ZBTB38: variants seen among roughly 807,000 people sequenced by gnomAD.
The protein encoded by ZBTB38 is zinc finger and BTB domain containing 38.
In ZBTB38, 20 loss-of-function variants were observed where a neutral mutation model predicts 76.8. The ratio of observed to expected loss-of-function variants is 0.26; its 90% CI spans 0.18 to 0.38. The LOEUF (loss-of-function observed/expected upper bound fraction) is 0.38, where lower values mean the gene tolerates loss of function less well. Among genes scored for constraint, ZBTB38 ranks in the 10% least tolerant of loss-of-function variants. The probability of loss-of-function intolerance (pLI) is 1.00; values close to 1 mark genes in which losing one functional copy is unlikely to be tolerated. For synonymous variants in ZBTB38, 504 were observed against 544.2 expected, an observed-to-expected ratio of 0.93 and a Z score of 1.03; for missense variants, 1,082 against 1,482.3, an observed-to-expected ratio of 0.73 and a Z score of 4.43.
At chr3:141,369,020 T>C (rs1234874000) in intron 1 of ZBTB38, among the ~76,000 whole-genome samples, 28 of 145,416 alleles carry the variant, frequency 1.9e-4, no homozygotes, top group Admixed American at 1.4e-3. Context: ...AAAACAATAC[T>C]AAGACGGAAA....
intron 5 of ZBTB38, among the ~76,000 whole-genome samples, chr3:141,435,486 C>T (rs771082129): frequency 1.3e-5 from 2 of 151,976 alleles, no homozygotes; most frequent in African/African-American, 2.4e-5. Flanking sequence ...AGGCCGGGCA[C>T]GGTGGCTCAC....
At chr3:141,365,085 C>T (rs1006605929), upstream of ZBTB38, among the ~76,000 whole-genome samples, 4 of 151,996 alleles carry the variant, frequency 2.6e-5, no homozygotes, top group South Asian at 2.1e-4. Context: ...AAAACTTGCA[C>T]ATGAATGTTC....
intron 1 of ZBTB38, among the ~76,000 whole-genome samples, chr3:141,326,124 CAAT>C (rs1160004916): frequency 1.3e-5 from 2 of 151,974 alleles, no homozygotes; most frequent in Non-Finnish European, 2.9e-5. Context: ...AAAGTAATAA[CAAT>C]AATAATGATA....
At chr3:141,325,070 G>A (rs957034908) in intron 1 of ZBTB38, among the ~76,000 whole-genome samples, 6 of 152,136 alleles carry the variant, frequency 3.9e-5, no homozygotes, top group Non-Finnish European at 7.4e-5. Context: ...ACTTTATTTT[G>A]GTGTACAAAC....
At chr3:141,354,158 T>C (rs1229485373) in intron 1 of ZBTB38, among the ~76,000 whole-genome samples, 1 of 152,118 alleles carries the variant, frequency 6.6e-6, no homozygotes, top group Non-Finnish European at 1.5e-5. Flanking sequence ...AAAGTTAACT[T>C]TTAAAAAATA....
intron 1 of ZBTB38, among the ~76,000 whole-genome samples, chr3:141,339,823 G>T (rs539875666): frequency 5.9e-5 from 9 of 152,308 alleles, no homozygotes; most frequent in African/African-American, 2.2e-4. Context: ...ATCAGCAAAT[G>T]AATTCATCAA....
intron 1 of ZBTB38, among the ~76,000 whole-genome samples, chr3:141,329,640 A>G (rs551387417): frequency 2.6e-5 from 4 of 152,228 alleles, no homozygotes; most frequent in Admixed American, 6.5e-5. Flanking sequence ...GGTTAGGGAC[A>G]GGGGAGGAGA....
intron 5 of ZBTB38, among the ~76,000 whole-genome samples, chr3:141,409,601 T>C (rs1434817521): frequency 6.6e-6 from 1 of 152,228 alleles, no homozygotes; most frequent in Non-Finnish European, 1.5e-5. Context: ...ATCAACTACG[T>C]GCCAGGTAGG....
At chr3:141,367,970 G>A (rs796091222), upstream of ZBTB38, among the ~76,000 whole-genome samples, 8 of 152,298 alleles carry the variant, frequency 5.3e-5, no homozygotes, top group African/African-American at 1.9e-4. Flanking sequence ...GGCACCCAGG[G>A]TAGGGAGCGA....
chr3:141,395,870 G>A (rs1226486575), intron 4 of ZBTB38, among the ~76,000 whole-genome samples: 2 of 152,178 alleles, frequency 1.3e-5, no homozygotes, highest in African/African-American at 4.8e-5. Flanking sequence ...AGTCTATTAA[G>A]TGTGTAGTAC....
At chr3:141,435,846 G>A (rs759765306) in intron 5 of ZBTB38, among the ~76,000 whole-genome samples, 7 of 151,756 alleles carry the variant, frequency 4.6e-5, no homozygotes, top group South Asian at 4.2e-4. Flanking sequence ...ATTAAAGTCC[G>A]ATGGCCAGTT....
Position 141,413,344 on chromosome 3 carries a change from C to T in ZBTB38, c.-1+9313C>T, listed in dbSNP as rs1957309302. Among the ~76,000 whole-genome samples the T allele has an allele frequency of 6.6e-6, 1 of 152,158 alleles. No homozygotes were observed. Among genetic ancestry groups the T allele is most frequent in the African/African-American group, 2.4e-5 (1 of 41,440 alleles). ...CCAGACTGAGGAATCAGCTGCACATCCCCCTGATGTCTCTAAAGCTGAAAT... is the reference window on the plus strand; with the variant it reads ...CCAGACTGAGGAATCAGCTGCACATTCCCCTGATGTCTCTAAAGCTGAAAT... On this transcript the variant is annotated intron_variant, in intron 5 of 5. Coordinates refer to ENST00000321464, the MANE Select transcript of ZBTB38 (RefSeq NM_001376113.1). The surrounding 1 kb of genome is among the most constrained non-coding windows in gnomAD (Gnocchi z 4.1).
At chr3:141,390,359 C>T (rs1484205675) in intron 4 of ZBTB38, among the ~76,000 whole-genome samples, 2 of 152,324 alleles carry the variant, frequency 1.3e-5, no homozygotes, top group East Asian at 1.9e-4. Flanking sequence ...ACTGTGCAAA[C>T]AATTGCACTG....
At chr3:141,363,308 A>G (rs921329734) in intron 1 of ZBTB38, among the ~76,000 whole-genome samples, 2 of 152,260 alleles carry the variant, frequency 1.3e-5, no homozygotes, top group Non-Finnish European at 2.9e-5. Flanking sequence ...TATTGCTAAT[A>G]TGGGATTACT....
At position 141,434,058 on chromosome 3, in the gene ZBTB38, G is replaced by A. The variant is rs78149277; in HGVS notation, c.1-8331G>A. 4.9e-3 allele frequency: 1,436 copies of A among 295,088 alleles called. 17 individuals carry two copies. The highest frequency in any genetic ancestry group is 0.031 in the African/African-American group (1,359 of 44,116). The allele number at this position is 295,088 out of a possible 1,614,324, so 18.3% of individuals were successfully genotyped here. A position where few individuals can be genotyped will look rare whatever the true frequency, so the allele number is the denominator to read the frequency against. On this transcript the variant is annotated intron_variant, in intron 5 of 5. Transcript: ENST00000321464. The stretch of plus-strand genomic sequence containing the variant: ...CAACAACGGATTGTCATGCCTACAG[G>A]TGCAGGGAGTACAAAGATGAATCAG...
chr3:141,431,358 G>T (rs998526089), intron 5 of ZBTB38, among the ~76,000 whole-genome samples: 10 of 128,422 alleles, frequency 7.8e-5, no homozygotes, highest in Non-Finnish European at 1.4e-4. Flanking sequence ...ATATATATTT[G>T]GGGGGGACTC....
At chr3:141,326,103 A>G (rs963474596) in intron 1 of ZBTB38, among the ~76,000 whole-genome samples, 1 of 152,244 alleles carries the variant, frequency 6.6e-6, no homozygotes, top group African/African-American at 2.4e-5. Flanking sequence ...TTTGGAAAAC[A>G]TGTCAATACC....
chr3:141,347,655 G>A (rs980938168), intron 1 of ZBTB38, among the ~76,000 whole-genome samples: 1 of 152,242 alleles, frequency 6.6e-6, no homozygotes, highest in African/African-American at 2.4e-5. Context: ...CTGGAAGGCA[G>A]GAGGAAGGAA....
rs377509378 is a variant in ZBTB38, at chr3:141,417,986, C to G, written c.-1+13955C>G. Among the ~76,000 whole-genome samples the G allele has an allele frequency of 9.2e-5, 14 of 152,262 alleles. No individual in the cohort carries two copies. In the East Asian group the frequency reaches 2.5e-3, roughly 27 times the overall value. ...CCGAGATCGCGCCATTGCACTCCGG[C>G]CTGGTGACAGAGCGAGACTCATCTC... On this transcript the variant is annotated intron_variant, in intron 5 of 5. Coordinates refer to ENST00000321464, the MANE Select transcript of ZBTB38 (RefSeq NM_001376113.1).
Sources: gnomAD v4.1 joint callset for allele counts (sites outside exome capture counted in the v4.1 genomes callset) on GRCh38, gnomAD v4.1.1 for gene constraint, Gnocchi (gnomAD v3.1) non-coding constraint, MANE v1.5 for transcripts, NCBI Gene and HGNC (gene_info 2026-07-23, HGNC 2026-07-21) for gene names.